Variants in CYP46A1 observed in about 807,000 individuals in gnomAD.
The protein encoded by CYP46A1 is cytochrome P450 family 46 subfamily A member 1.
CYP46A1 carries 20 observed loss-of-function variants against 63.3 expected under a neutral mutation model. That is an observed-to-expected ratio of 0.32 (90% CI 0.22 to 0.46). The LOEUF is 0.46. Ranked by LOEUF, CYP46A1 falls within the 20% of genes least tolerant of loss-of-function variation. The pLI is 1.00. For synonymous variants in CYP46A1, 268 were observed against 273.6 expected (o/e 0.98, Z 0.20); for missense variants, 445 against 670.8 (o/e 0.66, Z 3.72).
chr14:99,697,569 A>G (rs79657683), intron 3 of CYP46A1, among the ~76,000 whole-genome samples: 6 of 152,090 alleles, frequency 3.9e-5, no homozygotes, highest in Admixed American at 6.5e-5. Flanking sequence ...GAGGTTCACA[A>G]TCCTGCACTG....
intron 3 of CYP46A1, among the ~76,000 whole-genome samples, chr14:99,693,432 T>C (rs1170747364): frequency 2.0e-5 from 3 of 152,378 alleles, no homozygotes; most frequent in Admixed American, 6.5e-5. Context: ...TATATATTGA[T>C]ATAGTGAATT....
intron 1 of CYP46A1, among the ~76,000 whole-genome samples, chr14:99,688,776 C>T (rs1304731569): frequency 6.6e-6 from 1 of 152,172 alleles, no homozygotes. Context: ...CTGCCCCATA[C>T]CTCTCCACCA....
intron 5 of CYP46A1, chr14:99,703,842 G>T: frequency 1.0e-6 from 1 of 985,360 alleles, no homozygotes; most frequent in Non-Finnish European, 1.2e-6. Flanking sequence ...GTGAATCAAT[G>T]AATTGGAATA....
At chr14:99,710,033 C>T (rs528036191) in intron 7 of CYP46A1, 17 of 152,162 alleles carry the variant, frequency 1.1e-4, no homozygotes, top group African/African-American at 3.4e-4. Flanking sequence ...AAGCAAAAAC[C>T]GAGGTAAGTC....
chr14:99,704,605 GT>G (rs769304384), intron 5 of CYP46A1, among the ~76,000 whole-genome samples: 6 of 152,144 alleles, frequency 3.9e-5, no homozygotes, highest in Non-Finnish European at 5.9e-5. Flanking sequence ...GCCCAGTTTT[GT>G]TTCTACAATA....
intron 7 of CYP46A1, among the ~76,000 whole-genome samples, chr14:99,714,362 ACTG>A (rs2056767436): frequency 1.3e-5 from 2 of 152,248 alleles, no homozygotes; most frequent in Non-Finnish European, 2.9e-5. Flanking sequence ...CAGTCCCACT[ACTG>A]GGTATTTATC....
intron 14 of CYP46A1, 62 bp from the exon 15 acceptor site, chr14:99,726,495 A>G (rs901486368): frequency 3.5e-6 from 5 of 1,430,854 alleles, no homozygotes; most frequent in Admixed American, 2.4e-5. Flanking sequence ...TTTGCTGCTC[A>G]TTCACTCACT....
rs143608924 is a variant in CYP46A1 at position 99,723,919 on chromosome 14, C to G, written c.1177-1472C>G. On this transcript the variant is annotated intron_variant, in intron 12 of 14. Transcript: ENST00000261835. ...TGCCAGGGCTGTTGTAACAAAGTGC[C>G]ACAGACTTTGGCTTAAACAACAGAA... is the stretch of plus-strand genomic sequence containing the variant. Among the ~76,000 whole-genome samples, 519 of 152,296 alleles carry G rather than the reference C, an allele frequency of 3.4e-3. 2 individuals are homozygous for G. The highest frequency in any genetic ancestry group is 0.012 in the African/African-American group (494 of 41,556).
chr14:99,695,242 C>T (rs2056577298), intron 3 of CYP46A1, among the ~76,000 whole-genome samples: 1 of 152,098 alleles, frequency 6.6e-6, no homozygotes, highest in Admixed American at 6.5e-5. Context: ...TTAATGAACC[C>T]TTAAAAAGAG....
chr14:99,718,423 G>C (rs1329338876), intron 10 of CYP46A1, among the ~76,000 whole-genome samples: 1 of 152,164 alleles, frequency 6.6e-6, no homozygotes, highest in Non-Finnish European at 1.5e-5. Flanking sequence ...ATTGTTTCAT[G>C]TCTATTTCAG....
intron 10 of CYP46A1, among the ~76,000 whole-genome samples, chr14:99,719,761 CTTTTTT>C (rs55891116): frequency 8.5e-6 from 1 of 118,046 alleles, no homozygotes; most frequent in Non-Finnish European, 1.8e-5. Context: ...TTTTTCTTTT[CTTTTTT>C]TTTTTTTTTT....
Position 99,721,953 on chromosome 14 carries a change from T to C in CYP46A1, c.1066-3T>C, listed in dbSNP as rs755624316. ...TTGTTATCTCCCCTTGTGGCTTCTC[T>C]AGGTCCTCAAAGAGTCGCTGAGGCT... On this transcript the variant is annotated splice_region_variant and splice_polypyrimidine_tract_variant and intron_variant, in intron 11 of 14. Transcript: ENST00000261835. 4 of 1,611,764 alleles carry C rather than the reference T, an allele frequency of 2.5e-6. No individual in the cohort carries two copies. The highest frequency in any genetic ancestry group is 2.5e-6 in the Non-Finnish European group (3 of 1,178,314).
Position 99,685,816 on chromosome 14 carries a change from G to GCT in CYP46A1, c.119+1294_119+1295dup, listed in dbSNP as rs554475821. Reference sequence around the variant, plus strand: ...CCTGCTGGCTCTCTGCCCTTCTGGTGCTCTCTCTCTCTCTCCTTGCTTAGC... The same window carrying GCT: ...CCTGCTGGCTCTCTGCCCTTCTGGTGCTCTCTCTCTCTCTCTCCTTGCTTAGC... On this transcript the variant is annotated intron_variant, in intron 1 of 14. Coordinates refer to ENST00000261835, the MANE Select transcript of CYP46A1 (RefSeq NM_006668.2). Among the ~76,000 whole-genome samples, 497 of 150,684 alleles carry GCT rather than the reference G, an allele frequency of 3.3e-3. 1 individual carries two copies. Among genetic ancestry groups the GCT allele is most frequent in the African/African-American group, 0.011 (444 of 41,014 alleles).
intron 5 of CYP46A1, among the ~76,000 whole-genome samples, chr14:99,702,259 T>A (rs2056638087): frequency 6.6e-6 from 1 of 152,164 alleles, no homozygotes; most frequent in African/African-American, 2.4e-5. Flanking sequence ...CTAAGGCTCA[T>A]CCATGGTGTC....
chr14:99,687,088 C>A (rs1402057492), intron 1 of CYP46A1, among the ~76,000 whole-genome samples: 2 of 152,194 alleles, frequency 1.3e-5, no homozygotes, highest in African/African-American at 4.8e-5. Context: ...AGAGGCAACT[C>A]TTCATCTTCC....
intron 3 of CYP46A1, among the ~76,000 whole-genome samples, chr14:99,696,001 C>G (rs1427455895): frequency 6.6e-6 from 1 of 152,084 alleles, no homozygotes; most frequent in African/African-American, 2.4e-5. Flanking sequence ...TTTAACCTAT[C>G]TGCATTTTTA....
chr14:99,716,388 A>G (rs8022722), intron 9 of CYP46A1, among the ~76,000 whole-genome samples, 189 bp downstream of exon 9: 50,282 of 152,066 alleles, frequency 0.33, 8,472 homozygotes, highest in South Asian at 0.38. Flanking sequence ...TGACCTGGTA[A>G]TGCAGCTGGC....
chr14:99,725,333 CAA>C lies in CYP46A1; in HGVS notation c.1177-57_1177-56del. On this transcript the variant is annotated intron_variant, in intron 12 of 14. Transcript: ENST00000261835. This position sits in a 1 kb window ranked among gnomAD's most constrained non-coding sequence, Gnocchi z 4.2. ...GCCCTGTTGGGTGGCCTCAGTGGCT[CAA>C]GAGGTGCCAGGGGAACAACCTGGGA... 2 of 1,471,964 alleles carry C rather than the reference CAA, an allele frequency of 1.4e-6. No individual in the cohort carries two copies. The highest frequency in any genetic ancestry group is 1.9e-6 in the Non-Finnish European group (2 of 1,052,730). 91.2% of individuals were successfully genotyped at this position (1,471,964 alleles called of 1,614,324 possible).
chr14:99,691,895 C>T, intron 3 of CYP46A1, 34 bp downstream of exon 3: 3 of 1,604,736 alleles, frequency 1.9e-6, no homozygotes, highest in Non-Finnish European at 2.6e-6. Flanking sequence ...GAGGGAGTTC[C>T]CTGCCTTTCC....
Sources: gnomAD v4.1 joint callset for allele counts (sites outside exome capture counted in the v4.1 genomes callset) on GRCh38, gnomAD v4.1.1 for gene constraint, Gnocchi (gnomAD v3.1) non-coding constraint, MANE v1.5 for transcripts, NCBI Gene and HGNC (gene_info 2026-07-23, HGNC 2026-07-21) for gene names.